DAB2: variants seen among roughly 807,000 people sequenced by gnomAD.
DAB2 encodes DAB adaptor protein 2.
Under a neutral mutation model 71.6 loss-of-function variants are expected in DAB2, and 28 were observed. That is an observed-to-expected ratio of 0.39 (90% CI 0.29 to 0.54). The LOEUF (loss-of-function observed/expected upper bound fraction) is 0.54, where lower values mean the gene tolerates loss of function less well. Among genes scored for constraint, DAB2 ranks in the 20% least tolerant of loss-of-function variants. The probability of loss-of-function intolerance (pLI) is 0.68; values close to 1 mark genes in which losing one functional copy is unlikely to be tolerated. For synonymous variants in DAB2, 345 were observed against 339.7 expected, an observed-to-expected ratio of 1.02 and a Z score of -0.17; for missense variants, 867 against 928.8, an observed-to-expected ratio of 0.93 and a Z score of 0.86.
At chr5:39,404,713 G>T (rs939029792) in intron 1 of DAB2, among the ~76,000 whole-genome samples, 1 of 151,986 alleles carries the variant, frequency 6.6e-6, no homozygotes, top group Non-Finnish European at 1.5e-5. Flanking sequence ...CAAGTAGCTG[G>T]GACTACAGGT....
At chr5:39,389,184 A>T in intron 6 of DAB2, 61 bp from the exon 7 acceptor site, 1 of 1,340,160 alleles carries the variant, frequency 7.5e-7, no homozygotes, top group South Asian at 1.2e-5. Flanking sequence ...AGTTAAATAC[A>T]CAAACAAGTA....
At chr5:39,417,994 T>G (rs1755889433) in intron 1 of DAB2, 1 of 152,248 alleles carries the variant, frequency 6.6e-6, no homozygotes. Flanking sequence ...AAGCCTGTTC[T>G]ATCAGCTACA....
chr5:39,408,941 T>C (rs2112095040), intron 1 of DAB2: 2 of 152,236 alleles, frequency 1.3e-5, no homozygotes, highest in South Asian at 4.1e-4. Flanking sequence ...CTGGACAAAT[T>C]AGATAGGTTA....
At chr5:39,407,573 T>C (rs1222408889) in intron 1 of DAB2, among the ~76,000 whole-genome samples, 1 of 152,244 alleles carries the variant, frequency 6.6e-6, no homozygotes, top group Non-Finnish European at 1.5e-5. Flanking sequence ...AACATTAGGT[T>C]GTGCATTCTC....
At chr5:39,411,003 AC>A (rs1008903222) in intron 1 of DAB2, among the ~76,000 whole-genome samples, 1 of 152,074 alleles carries the variant, frequency 6.6e-6, no homozygotes, top group Non-Finnish European at 1.5e-5. Flanking sequence ...ACACTGGGAG[AC>A]TTTCCCAGAG....
chr5:39,376,323 C>T (rs908448356), intron 12 of DAB2, among the ~76,000 whole-genome samples: 6 of 152,020 alleles, frequency 3.9e-5, no homozygotes, highest in Non-Finnish European at 7.4e-5. Context: ...ATTCAGAATC[C>T]CCTCATTTTA....
rs182033105 is a variant in DAB2 at position 39,419,872 on chromosome 5, C to A, written c.-102+4932G>T. ...ATATCCAAATCCCATGCTTTTTAATCTTTCTGCATCCTAAGATTCAGTTAA... is the reference window on the plus strand; with the variant it reads ...ATATCCAAATCCCATGCTTTTTAATATTTCTGCATCCTAAGATTCAGTTAA... On this transcript the variant is annotated intron_variant, in intron 1 of 14. Transcript: ENST00000320816. 2.4e-4 allele frequency among the ~76,000 whole-genome samples: 36 copies of A among 152,306 alleles called. 1 individual carries two copies. In the East Asian group the frequency reaches 3.1e-3, roughly 13 times the overall value.
In DAB2 at chr5:39,400,473, G is replaced by A. The variant is rs541048023; in HGVS notation, c.-101-6052C>T. On this transcript the variant is annotated intron_variant, in intron 1 of 14. Coordinates refer to ENST00000320816, the MANE Select transcript of DAB2 (RefSeq NM_001343.4). ...GGTCTCGAGCTCCTGACCTCCCTCA[G>A]GTCCTGCCTCGGCCTCCCAGAGTGC... Among the ~76,000 whole-genome samples, 14 of 152,174 alleles carry A rather than the reference G, an allele frequency of 9.2e-5. No homozygotes were observed. In the East Asian group the frequency reaches 2.5e-3, roughly 27 times the overall value.
intron 9 of DAB2, among the ~76,000 whole-genome samples, chr5:39,386,828 T>C (rs1755108201): frequency 6.6e-6 from 1 of 152,236 alleles, no homozygotes. Flanking sequence ...GTTCAGATAC[T>C]GATTTATTTG....
intron 9 of DAB2, 74 bp downstream of exon 9, chr5:39,388,231 A>C: frequency 9.2e-7 from 1 of 1,089,214 alleles, no homozygotes; most frequent in Non-Finnish European, 1.4e-6. Context: ...GAGATGCTTA[A>C]GATTTCTGGT....
chr5:39,395,648 A>G (rs1755345143), intron 1 of DAB2, among the ~76,000 whole-genome samples: 1 of 152,212 alleles, frequency 6.6e-6, no homozygotes, highest in Non-Finnish European at 1.5e-5. Context: ...AAATACATAC[A>G]TTCATGCAAT....
In DAB2 at chr5:39,384,436, G is replaced by A. The variant is rs74509160; in HGVS notation, c.688-1165C>T. ...TTCTCTCAAAATATTATATTGTACCGTACTCACTTATTTTCAGACCAAGGT... is the reference window on the plus strand; with the variant it reads ...TTCTCTCAAAATATTATATTGTACCATACTCACTTATTTTCAGACCAAGGT... On this transcript the variant is annotated intron_variant, in intron 9 of 14. Transcript: ENST00000320816. Among the ~76,000 whole-genome samples, 54 of 152,180 alleles carry A rather than the reference G, an allele frequency of 3.5e-4. No individual in the cohort carries two copies. In the East Asian group the frequency reaches 4.8e-3, roughly 14 times the overall value.
At position 39,401,845 on chromosome 5, in the gene DAB2, C is replaced by T. The variant is rs532592734; in HGVS notation, c.-101-7424G>A. ...TCGGCTCACTGCAAGCTCCGCCTGC[C>T]GGGTTCACGCCATTCCCCTGCCTCA... On this transcript the variant is annotated intron_variant, in intron 1 of 14. Coordinates refer to ENST00000320816, the MANE Select transcript of DAB2 (RefSeq NM_001343.4). Among the ~76,000 whole-genome samples, 780 of 151,836 alleles carry T rather than the reference C, an allele frequency of 5.1e-3. 7 individuals carry two copies. The highest frequency in any genetic ancestry group is 0.017 in the African/African-American group (719 of 41,370).
chr5:39,420,981 C>A (rs535545793), intron 1 of DAB2, among the ~76,000 whole-genome samples: 4 of 152,146 alleles, frequency 2.6e-5, no homozygotes, highest in African/African-American at 9.6e-5. Context: ...CCGGGTGGTC[C>A]CTCCCTTCCC....
intron 9 of DAB2, among the ~76,000 whole-genome samples, chr5:39,385,620 C>T (rs552896270): frequency 1.4e-4 from 22 of 152,248 alleles, no homozygotes; most frequent in Admixed American, 9.8e-4. Context: ...CTGAGCCGCA[C>T]GCACTGGAGA....
chr5:39,411,337 T>C (rs916275207), intron 1 of DAB2, among the ~76,000 whole-genome samples: 1 of 152,170 alleles, frequency 6.6e-6, no homozygotes, highest in Non-Finnish European at 1.5e-5. Context: ...TCATTAGCTT[T>C]TATTTTCTTT....
At chr5:39,421,546 C>T (rs568269834) in intron 1 of DAB2, among the ~76,000 whole-genome samples, 1 of 152,246 alleles carries the variant, frequency 6.6e-6, no homozygotes, top group South Asian at 2.1e-4. Context: ...AACTACTATC[C>T]AATTGTGCCC....
intron 1 of DAB2, among the ~76,000 whole-genome samples, chr5:39,400,435 T>C (rs1032312160): frequency 6.6e-6 from 1 of 152,096 alleles, no homozygotes; most frequent in African/African-American, 2.4e-5. Flanking sequence ...GGTTTCACCA[T>C]GTTGGCCAGG....
intron 1 of DAB2, among the ~76,000 whole-genome samples, chr5:39,411,202 A>AC (rs1220378953): frequency 2.6e-5 from 4 of 152,076 alleles, no homozygotes; most frequent in African/African-American, 9.7e-5. Context: ...TTTATGAAAT[A>AC]CTCATATTTA....
Sources: allele counts gnomAD v4.1 joint callset (sites outside exome capture counted in the v4.1 genomes callset), GRCh38; gene constraint gnomAD v4.1.1; transcripts MANE v1.5; gene names NCBI Gene and HGNC (gene_info 2026-07-23, HGNC 2026-07-21).